PTGFRN: variants seen among roughly 807,000 people sequenced by gnomAD.
The protein encoded by PTGFRN is prostaglandin F2 receptor negative regulator.
Under a neutral mutation model 83.2 loss-of-function variants are expected in PTGFRN, and 35 were observed. The ratio of observed to expected loss-of-function variants is 0.42; its 90% CI spans 0.32 to 0.56. The LOEUF (loss-of-function observed/expected upper bound fraction) is 0.56, where lower values mean the gene tolerates loss of function less well. PTGFRN is among the 20% of genes least tolerant of loss of function. The probability of loss-of-function intolerance (pLI) is 0.11; values close to 1 mark genes in which losing one functional copy is unlikely to be tolerated. For missense variants in PTGFRN, 1,051 were observed against 1,179.5 expected (o/e 0.89, Z 1.60); for synonymous variants, 519 against 498.6 (o/e 1.04, Z -0.55).
intron 6 of PTGFRN, among the ~76,000 whole-genome samples, chr1:116,969,968 TTATTA>T (rs1294823751): frequency 6.6e-6 from 1 of 152,188 alleles, no homozygotes; most frequent in African/African-American, 2.4e-5. Flanking sequence ...CTGAACTTGT[TTATTA>T]ATTCTAATTA....
intron 1 of PTGFRN, among the ~76,000 whole-genome samples, chr1:116,915,990 A>C (rs1330157065): frequency 6.6e-6 from 1 of 152,174 alleles, no homozygotes; most frequent in Non-Finnish European, 1.5e-5. Context: ...CACCAACTGT[A>C]GTCTTTGGGA....
At chr1:116,916,606 C>G (rs1464723743) in intron 1 of PTGFRN, among the ~76,000 whole-genome samples, 1 of 152,118 alleles carries the variant, frequency 6.6e-6, no homozygotes, top group Non-Finnish European at 1.5e-5. Flanking sequence ...ATCCAAAGGC[C>G]TGCGTACCCA....
In PTGFRN at chr1:116,941,646, G is replaced by C. The variant is rs1570655720; in HGVS notation, c.50-69G>C. 3.9e-6 allele frequency: 6 copies of C among 1,535,116 alleles called. No homozygotes were observed. The highest frequency in any genetic ancestry group is 5.2e-6 in the Non-Finnish European group (6 of 1,145,170). On this transcript the variant is annotated intron_variant, in intron 1 of 8. Transcript: ENST00000393203. This position sits in a 1 kb window ranked among gnomAD's most constrained non-coding sequence, Gnocchi z 5.0. The stretch of plus-strand genomic sequence containing the variant: ...TGCCTGTGAGCAGGAGCATCCACAG[G>C]TTTGCCACATTTGTCCTGGGAAGAC...
chr1:116,935,455 A>G (rs958206566), intron 1 of PTGFRN, among the ~76,000 whole-genome samples: 9 of 151,062 alleles, frequency 6.0e-5, no homozygotes, highest in African/African-American at 1.5e-4. Flanking sequence ...GCTTTTATCT[A>G]TCTTTTATGG....
rs1198250560 is a variant in PTGFRN at position 116,923,575 on chromosome 1, C to A, written c.49+13323C>A. On this transcript the variant is annotated intron_variant, in intron 1 of 8. Transcript: ENST00000393203. The surrounding 1 kb of genome is among the most constrained non-coding windows in gnomAD (Gnocchi z 4.0). ...ACCCCTTCCCTTTGCAGGATTGATACAACCGTTTCCACCCCAGAATGGCAT... is the reference window on the plus strand; with the variant it reads ...ACCCCTTCCCTTTGCAGGATTGATAAAACCGTTTCCACCCCAGAATGGCAT... Among the ~76,000 whole-genome samples, 1 of 152,182 alleles carries A rather than the reference C, an allele frequency of 6.6e-6. No homozygotes were observed. The highest frequency in any genetic ancestry group is 1.5e-5 in the Non-Finnish European group (1 of 68,030).
chr1:116,940,026 A>G (rs933926385), intron 1 of PTGFRN, among the ~76,000 whole-genome samples: 1 of 152,188 alleles, frequency 6.6e-6, no homozygotes, highest in Non-Finnish European at 1.5e-5. Context: ...AAGCCATTCA[A>G]CAAGTCTCTA....
At chr1:116,911,834 C>G (rs747872220) in intron 1 of PTGFRN, among the ~76,000 whole-genome samples, 1 of 152,198 alleles carries the variant, frequency 6.6e-6, no homozygotes, top group Non-Finnish European at 1.5e-5. Context: ...TTACTTTTCA[C>G]TCTGGGACCC....
chr1:116,946,164 G>A (rs557220793), intron 3 of PTGFRN, among the ~76,000 whole-genome samples: 1 of 152,290 alleles, frequency 6.6e-6, no homozygotes, highest in African/African-American at 2.4e-5. Context: ...AATATGTGGT[G>A]GCTCTGTTAC....
At chr1:116,931,752 A>G (rs534434304) in intron 1 of PTGFRN, among the ~76,000 whole-genome samples, 2 of 152,262 alleles carry the variant, frequency 1.3e-5, no homozygotes, top group African/African-American at 4.8e-5. Flanking sequence ...AGGTACTCCA[A>G]TAAAGGCACT....
chr1:116,984,618 G>A, intron 7 of PTGFRN, 62 bp from the exon 8 acceptor site: 1 of 1,512,478 alleles, frequency 6.6e-7, no homozygotes, highest in Non-Finnish European at 9.0e-7. Context: ...ACATGGATGT[G>A]GCCATACATA....
chr1:116,961,726 T>C lies in PTGFRN; in HGVS notation c.1639+58T>C. 1 of 1,467,154 alleles carries C rather than the reference T, an allele frequency of 6.8e-7. No homozygotes were observed. The highest frequency in any genetic ancestry group is 9.3e-7 in the Non-Finnish European group (1 of 1,080,106). 90.9% of individuals were successfully genotyped at this position (1,467,154 alleles called of 1,614,324 possible). A position where few individuals can be genotyped will look rare whatever the true frequency, so the allele number is the denominator to read the frequency against. On this transcript the variant is annotated intron_variant, in intron 5 of 8. Coordinates refer to ENST00000393203, the MANE Select transcript of PTGFRN (RefSeq NM_020440.4). This position sits in a 1 kb window ranked among gnomAD's most constrained non-coding sequence, Gnocchi z 5.4. The stretch of plus-strand genomic sequence containing the variant: ...TTTGTCTTTGCTTAAGTCGTGCCGC[T>C]GTGTGTTGATGCACAGTCACCCTCT...
chr1:116,960,912 A>C (rs999980439), intron 4 of PTGFRN, among the ~76,000 whole-genome samples: 9 of 152,096 alleles, frequency 5.9e-5, no homozygotes, highest in Non-Finnish European at 1.0e-4. Flanking sequence ...GCTTCTTAAG[A>C]GATTCTTCTC....
At chr1:116,956,124 AC>A (rs1456869265) in intron 4 of PTGFRN, among the ~76,000 whole-genome samples, 6 of 152,238 alleles carry the variant, frequency 3.9e-5, no homozygotes, top group African/African-American at 1.4e-4. Flanking sequence ...TCCTACTCCT[AC>A]CATTCTGACA....
rs943813072 is a variant in PTGFRN at position 116,918,759 on chromosome 1, G to A, written c.49+8507G>A. Among the ~76,000 whole-genome samples, 6 of 152,310 alleles carry A rather than the reference G, an allele frequency of 3.9e-5. No homozygotes were observed. The highest frequency in any genetic ancestry group is 1.9e-4 in the East Asian group (1 of 5,186). ...TAGTAAAGGCAGTGGGCCTAGTTTCGTGGCTTTATCCCACCAAGTTTGGCA... is the reference window on the plus strand; with the variant it reads ...TAGTAAAGGCAGTGGGCCTAGTTTCATGGCTTTATCCCACCAAGTTTGGCA... On this transcript the variant is annotated intron_variant, in intron 1 of 8. Transcript: ENST00000393203. The surrounding 1 kb of genome is among the most constrained non-coding windows in gnomAD (Gnocchi z 4.1).
chr1:116,977,120 CAAAG>C (rs57216510), intron 7 of PTGFRN, among the ~76,000 whole-genome samples: 7,974 of 152,062 alleles, frequency 0.052, 578 homozygotes, highest in East Asian at 0.41. Context: ...TCAAAAGAGA[CAAAG>C]AAGGCCATTA....
intron 1 of PTGFRN, among the ~76,000 whole-genome samples, chr1:116,934,679 CT>C (rs11354094): frequency 0.15 from 22,285 of 151,966 alleles, 2,837 homozygotes; most frequent in African/African-American, 0.35. Flanking sequence ...TTTCTATTGT[CT>C]TATTTTTTCT....
chr1:116,927,608 A>G (rs1252663070), intron 1 of PTGFRN, among the ~76,000 whole-genome samples: 1 of 145,200 alleles, frequency 6.9e-6, no homozygotes, highest in African/African-American at 2.6e-5. Context: ...ATCATGACTC[A>G]CTGCAACCTT....
intron 6 of PTGFRN, among the ~76,000 whole-genome samples, chr1:116,968,090 G>A (rs1183100059): frequency 1.3e-5 from 2 of 152,280 alleles, no homozygotes; most frequent in East Asian, 3.9e-4. Context: ...GTATGTGTGT[G>A]TTTCAGTAGG....
At chr1:116,911,981 C>G (rs1649284211) in intron 1 of PTGFRN, among the ~76,000 whole-genome samples, 1 of 152,212 alleles carries the variant, frequency 6.6e-6, no homozygotes, top group Non-Finnish European at 1.5e-5. Context: ...CTGCTGTTCA[C>G]TTTGTAGTCT....
Sources: gnomAD v4.1 joint callset for allele counts (sites outside exome capture counted in the v4.1 genomes callset) on GRCh38, gnomAD v4.1.1 for gene constraint, Gnocchi (gnomAD v3.1) non-coding constraint, MANE v1.5 for transcripts, NCBI Gene and HGNC (gene_info 2026-07-23, HGNC 2026-07-21) for gene names.